TFAP2D: variants seen among roughly 807,000 people sequenced by gnomAD.
TFAP2D encodes transcription factor AP-2 delta.
TFAP2D carries 9 observed loss-of-function variants against 43.6 expected under a neutral mutation model. The observed-to-expected ratio is 0.21, with a 90% CI of 0.12 to 0.36. The LOEUF (loss-of-function observed/expected upper bound fraction) is 0.36, where lower values mean the gene tolerates loss of function less well. TFAP2D is among the 10% of genes least tolerant of loss of function. TFAP2D has a pLI of 1.00. For synonymous variants in TFAP2D, 256 were observed against 224.9 expected, an observed-to-expected ratio of 1.14 and a Z score of -1.24; for missense variants, 513 against 561.4, an observed-to-expected ratio of 0.91 and a Z score of 0.87.
Position 50,759,556 on chromosome 6 carries a change from A to G in TFAP2D, c.1139+8232A>G, listed in dbSNP as rs528573806. Among the ~76,000 whole-genome samples, 17 of 152,156 alleles carry G rather than the reference A, an allele frequency of 1.1e-4. No individual in the cohort carries two copies. The East Asian group carries it at 3.1e-3, about 28-fold the overall frequency. Reference sequence around the variant, plus strand: ...CAACAGTTCGATAAAATTCATTTTAAAAAGCTTAGCATTTTCATTCCTCTA... The same window carrying G: ...CAACAGTTCGATAAAATTCATTTTAGAAAGCTTAGCATTTTCATTCCTCTA... On this transcript the variant is annotated intron_variant, in intron 7 of 7. Transcript: ENST00000008391.
At chr6:50,764,605 TA>T (rs1769415537) in intron 7 of TFAP2D, among the ~76,000 whole-genome samples, 1 of 152,094 alleles carries the variant, frequency 6.6e-6, no homozygotes, top group Non-Finnish European at 1.5e-5. Flanking sequence ...TAAACGTAAA[TA>T]AAACTGTTTA....
chr6:50,722,518 T>TC (rs943630108), intron 3 of TFAP2D, among the ~76,000 whole-genome samples: 1 of 152,048 alleles, frequency 6.6e-6, no homozygotes, highest in South Asian at 2.1e-4. Flanking sequence ...ACTCTTTTTT[T>TC]CCCCCCTGAA....
intron 2 of TFAP2D, among the ~76,000 whole-genome samples, chr6:50,717,337 G>A (rs144574922): frequency 5.3e-4 from 81 of 152,262 alleles, no homozygotes; most frequent in African/African-American, 1.8e-3. Flanking sequence ...CAAACAACAT[G>A]TTTTACTTAT....
In TFAP2D at chr6:50,750,295, A is replaced by C. The variant is rs1318547586; in HGVS notation, c.1026-916A>C. Among the ~76,000 whole-genome samples the C allele has an allele frequency of 2.0e-5, 3 of 151,934 alleles. No individual in the cohort carries two copies. The East Asian group carries it at 5.8e-4, about 29-fold the overall frequency. The stretch of plus-strand genomic sequence containing the variant: ...CATTATTACATTTTTGCGACTGCCC[A>C]TTGTAAAAACAGACAAAAAACCTAA... On this transcript the variant is annotated intron_variant, in intron 6 of 7. Coordinates refer to ENST00000008391, the MANE Select transcript of TFAP2D (RefSeq NM_172238.4).
Position 50,714,051 on chromosome 6 carries a change from C to A in TFAP2D, c.-5C>A, listed in dbSNP as rs776559773. On this transcript the variant is annotated 5_prime_UTR_variant, in exon 1 of 8. Coordinates refer to ENST00000008391, the MANE Select transcript of TFAP2D (RefSeq NM_172238.4). ...TTGCATCGTAAGCTTTCGGAGAAACCCAACATGTCAACTACCTTTCCGGGA... is the reference window on the plus strand; with the variant it reads ...TTGCATCGTAAGCTTTCGGAGAAACACAACATGTCAACTACCTTTCCGGGA... The A allele has an allele frequency of 6.2e-7, 1 of 1,612,302 alleles. No individual in the cohort carries two copies.
rs1769514089 is a variant in TFAP2D, at chr6:50,770,617, C to A, written c.1140-2028C>A. On this transcript the variant is annotated intron_variant, in intron 7 of 7. Transcript: ENST00000008391. ...CCTTTGCGTAGACTAATAAAAACAA[C>A]AACCCCACATGGTAGATCTTACTAT... 2.6e-5 allele frequency among the ~76,000 whole-genome samples: 4 copies of A among 152,256 alleles called. No individual in the cohort carries two copies. In the South Asian group the frequency reaches 8.3e-4, roughly 32 times the overall value.
intron 3 of TFAP2D, among the ~76,000 whole-genome samples, chr6:50,725,709 C>T (rs1017150941): frequency 1.3e-5 from 2 of 152,138 alleles, no homozygotes; most frequent in African/African-American, 2.4e-5. Flanking sequence ...TCTGGATTAT[C>T]TTAAAGAAGT....
chr6:50,728,718 C>T lies in TFAP2D; in HGVS notation c.599-138C>T, dbSNP rs78616954. The T allele has an allele frequency of 5.3e-3, 4,050 of 765,138 alleles. 98 individuals are homozygous for T. The African/African-American group carries it at 0.062, about 12-fold the overall frequency. The allele number at this position is 765,138 out of a possible 1,614,324, so 47.4% of individuals were successfully genotyped here. ...AAAGAACATTTAGAGCAGCTCCCTG[C>T]GATGATCTGGGGGATATATAAGTAC... On this transcript the variant is annotated intron_variant, in intron 3 of 7. Coordinates refer to ENST00000008391, the MANE Select transcript of TFAP2D (RefSeq NM_172238.4).
intron 5 of TFAP2D, among the ~76,000 whole-genome samples, chr6:50,742,946 G>A (rs1019311827): frequency 1.8e-4 from 15 of 83,708 alleles, no homozygotes; most frequent in African/African-American, 4.9e-4. Flanking sequence ...GCATAACAAC[G>A]ACTTTAAAAC....
chr6:50,713,584 C>G lies in TFAP2D; in HGVS notation c.-472C>G, dbSNP rs1466479085. 6.6e-6 allele frequency among the ~76,000 whole-genome samples: 1 copy of G among 152,048 alleles called. No individual in the cohort carries two copies. The highest frequency in any genetic ancestry group is 1.5e-5 in the Non-Finnish European group (1 of 67,994). On this transcript the variant is annotated 5_prime_UTR_variant, in exon 1 of 8. Transcript: ENST00000008391. ...CAAATACTCTCCACAGAGATAAGTCCCCACCTCAGTCGGTATAGAAAAGCA... is the reference window on the plus strand; with the variant it reads ...CAAATACTCTCCACAGAGATAAGTCGCCACCTCAGTCGGTATAGAAAAGCA...
intron 3 of TFAP2D, among the ~76,000 whole-genome samples, chr6:50,721,448 T>A (rs1768723738): frequency 6.6e-6 from 1 of 152,188 alleles, no homozygotes; most frequent in Non-Finnish European, 1.5e-5. Context: ...TCAATGTTCA[T>A]GTCAATTTAC....
intron 5 of TFAP2D, among the ~76,000 whole-genome samples, chr6:50,737,190 C>G (rs1279668651): frequency 6.6e-6 from 1 of 152,002 alleles, no homozygotes; most frequent in Non-Finnish European, 1.5e-5. Flanking sequence ...CTTTTTTGCC[C>G]AGGTTGGCCT....
chr6:50,769,731 G>A (rs1034961331), intron 7 of TFAP2D, among the ~76,000 whole-genome samples: 1 of 152,178 alleles, frequency 6.6e-6, no homozygotes, highest in African/African-American at 2.4e-5. Context: ...AGAGAAAAAT[G>A]TACCCTCAGC....
intron 7 of TFAP2D, among the ~76,000 whole-genome samples, chr6:50,755,605 TC>T (rs1171684899): frequency 6.6e-6 from 1 of 151,924 alleles, no homozygotes; most frequent in Non-Finnish European, 1.5e-5. Flanking sequence ...AAGCTTTTTT[TC>T]CCCCTTTGGG....
At chr6:50,757,412 C>T (rs1408527566) in intron 7 of TFAP2D, among the ~76,000 whole-genome samples, 1 of 122,978 alleles carries the variant, frequency 8.1e-6, no homozygotes, top group Non-Finnish European at 1.6e-5. Context: ...TATAATTATT[C>T]TCTCTATATA....
At chr6:50,761,390 A>T (rs1031984031) in intron 7 of TFAP2D, among the ~76,000 whole-genome samples, 1 of 152,006 alleles carries the variant, frequency 6.6e-6, no homozygotes, top group African/African-American at 2.4e-5. Flanking sequence ...GATAGTGTCT[A>T]TTACCTCCAG....
chr6:50,747,675 A>G (rs1769143635), intron 6 of TFAP2D, among the ~76,000 whole-genome samples: 2 of 152,216 alleles, frequency 1.3e-5, no homozygotes, highest in South Asian at 4.1e-4. Flanking sequence ...GCAGTCTCCA[A>G]GCACATTCAA....
intron 2 of TFAP2D, among the ~76,000 whole-genome samples, chr6:50,717,324 G>C (rs1223363042): frequency 6.6e-6 from 1 of 152,144 alleles, no homozygotes; most frequent in Admixed American, 6.5e-5. Flanking sequence ...AATGTCATCC[G>C]ACCAAACAAC....
intron 1 of TFAP2D, among the ~76,000 whole-genome samples, chr6:50,714,518 A>T (rs1236882740): frequency 6.6e-6 from 1 of 152,076 alleles, no homozygotes; most frequent in Non-Finnish European, 1.5e-5. Flanking sequence ...AGCAGAAAAG[A>T]GGGAGTCGGA....
Sources: gnomAD v4.1 joint callset for allele counts (sites outside exome capture counted in the v4.1 genomes callset) on GRCh38, gnomAD v4.1.1 for gene constraint, MANE v1.5 for transcripts, NCBI Gene and HGNC (gene_info 2026-07-23, HGNC 2026-07-21) for gene names.